RORA: variants seen among roughly 807,000 people sequenced by gnomAD.
RORA encodes RAR related orphan receptor A, also known as nuclear receptor ROR-alpha.
In RORA, 7 loss-of-function variants were observed where a neutral mutation model predicts 69.5. The ratio of observed to expected loss-of-function variants is 0.10; its 90% CI spans 0.06 to 0.19. RORA has a LOEUF of 0.19. RORA is among the 10% of genes least tolerant of loss of function. The pLI, the probability that RORA is intolerant of heterozygous loss-of-function variation, is 1.00. For synonymous variants in RORA, 261 were observed against 240.8 expected (o/e 1.08, Z -0.78); for missense variants, 457 against 663.0 (o/e 0.69, Z 3.41).
chr15:61,088,080 G>C (rs17204848), intron 1 of RORA, among the ~76,000 whole-genome samples: 40,676 of 152,214 alleles, frequency 0.27, 5,963 homozygotes, highest in Non-Finnish European at 0.34. Context: ...GCCTGAATGT[G>C]CCAGGTGCTG....
chr15:61,109,371 G>T (rs1325024649), intron 1 of RORA, among the ~76,000 whole-genome samples: 1 of 152,072 alleles, frequency 6.6e-6, no homozygotes, highest in African/African-American at 2.4e-5. Flanking sequence ...ACAAAAATTT[G>T]ATAAATGAAT....
At chr15:61,221,558 C>T (rs1327472214) in intron 1 of RORA, among the ~76,000 whole-genome samples, 4 of 152,170 alleles carry the variant, frequency 2.6e-5, no homozygotes, top group Admixed American at 6.5e-5. Context: ...ATTCTTATCA[C>T]GTGTACAATC....
chr15:61,098,065 C>T (rs2078817884), intron 1 of RORA, among the ~76,000 whole-genome samples: 2 of 150,948 alleles, frequency 1.3e-5, no homozygotes, highest in Admixed American at 6.6e-5. Flanking sequence ...TTCCTTAATC[C>T]TTCCTTCCTT....
chr15:60,946,328 G>A (rs1390651415), intron 1 of RORA, among the ~76,000 whole-genome samples: 4 of 152,072 alleles, frequency 2.6e-5, no homozygotes, highest in South Asian at 2.1e-4. Context: ...GCCGAAGCGG[G>A]ACTGTACTGC....
chr15:61,217,275 C>T (rs2080048886), intron 1 of RORA, among the ~76,000 whole-genome samples: 3 of 152,118 alleles, frequency 2.0e-5, no homozygotes, highest in African/African-American at 7.2e-5. Context: ...AAATAACTAT[C>T]AGACAGCGTA....
At chr15:61,134,592 G>A (rs1332350468) in intron 1 of RORA, among the ~76,000 whole-genome samples, 1 of 152,138 alleles carries the variant, frequency 6.6e-6, no homozygotes, top group Non-Finnish European at 1.5e-5. Flanking sequence ...AACCCCTTGG[G>A]TAGGAATAAT....
chr15:61,143,425 T>C (rs1051630829), intron 1 of RORA, among the ~76,000 whole-genome samples: 1 of 152,160 alleles, frequency 6.6e-6, no homozygotes, highest in East Asian at 1.9e-4. Flanking sequence ...TAAGAGTATT[T>C]TGAAACTTGG....
intron 1 of RORA, among the ~76,000 whole-genome samples, chr15:60,936,069 A>G (rs1422489256): frequency 6.6e-6 from 1 of 152,184 alleles, no homozygotes; most frequent in Non-Finnish European, 1.5e-5. Context: ...CATCATGGTA[A>G]TATTACCCAT....
At chr15:60,915,095 A>G (rs1328769294) in intron 1 of RORA, among the ~76,000 whole-genome samples, 1 of 152,202 alleles carries the variant, frequency 6.6e-6, no homozygotes, top group Non-Finnish European at 1.5e-5. Context: ...GAACTTGAAC[A>G]CTAGCCTATC....
intron 1 of RORA, among the ~76,000 whole-genome samples, chr15:61,103,474 G>C (rs1041970578): frequency 3.3e-5 from 5 of 152,132 alleles, no homozygotes; most frequent in Non-Finnish European, 5.9e-5. Flanking sequence ...AGGGAGGGTG[G>C]GGTGCCCCCT....
At chr15:60,941,957 C>T (rs952337969) in intron 1 of RORA, among the ~76,000 whole-genome samples, 2 of 152,190 alleles carry the variant, frequency 1.3e-5, no homozygotes, top group Non-Finnish European at 2.9e-5. Context: ...GCATTACCCA[C>T]CAGTCCAGTG....
In RORA at chr15:60,628,145, T is replaced by C. The variant is rs536538713; in HGVS notation, c.196+50512A>G. 7.0e-4 allele frequency among the ~76,000 whole-genome samples: 107 copies of C among 152,360 alleles called. 1 individual carries two copies. The highest frequency in any genetic ancestry group is 3.4e-3 in the Middle Eastern group (1 of 294). ...TGTTACTGATTATTTCGCTAGTTTT[T>C]ACCTGGTGTCCTCTTCCTGTTGCAG... On this transcript the variant is annotated intron_variant, in intron 2 of 10. Coordinates refer to ENST00000335670, the MANE Select transcript of RORA (RefSeq NM_134261.3).
intron 1 of RORA, among the ~76,000 whole-genome samples, chr15:61,162,950 C>T (rs1039981764): frequency 2.0e-5 from 3 of 152,286 alleles, no homozygotes; most frequent in South Asian, 2.1e-4. Context: ...GCCACCTATG[C>T]GTCACTCACC....
In RORA at chr15:61,027,829, C is replaced by G. The variant is rs554944199; in HGVS notation, c.166+201224G>C. ...CATTTTCTCTCAAAGTCTCAGTTTACCAATCTGCAAAATGGTAACAGGCAA... is the reference window on the plus strand; with the variant it reads ...CATTTTCTCTCAAAGTCTCAGTTTAGCAATCTGCAAAATGGTAACAGGCAA... On this transcript the variant is annotated intron_variant, in intron 1 of 10. Transcript: ENST00000335670. 2.6e-4 allele frequency among the ~76,000 whole-genome samples: 40 copies of G among 152,220 alleles called. No homozygotes were observed. The East Asian group carries it at 7.7e-3, about 29-fold the overall frequency.
In RORA at chr15:61,226,447, C is replaced by T. The variant is rs1428925835; in HGVS notation, c.166+2606G>A. Among the ~76,000 whole-genome samples the T allele has an allele frequency of 1.3e-5, 2 of 152,198 alleles. No homozygotes were observed. The highest frequency in any genetic ancestry group is 2.9e-5 in the Non-Finnish European group (2 of 68,036). On this transcript the variant is annotated intron_variant, in intron 1 of 10. Transcript: ENST00000335670. The surrounding 1 kb of genome is among the most constrained non-coding windows in gnomAD (Gnocchi z 4.2). ...TATTGTAATTTATGCAACATTAATA[C>T]TGGATGCCAGCTCCAATTTTCTTAC... is the stretch of plus-strand genomic sequence containing the variant.
At chr15:61,122,687 A>C (rs2079114035) in intron 1 of RORA, among the ~76,000 whole-genome samples, 1 of 152,090 alleles carries the variant, frequency 6.6e-6, no homozygotes, top group Non-Finnish European at 1.5e-5. Context: ...TAAGGGGTGG[A>C]TCTTTTTAAG....
At chr15:60,716,164 C>T (rs2071216309) in intron 1 of RORA, among the ~76,000 whole-genome samples, 1 of 152,174 alleles carries the variant, frequency 6.6e-6, no homozygotes, top group South Asian at 2.1e-4. Flanking sequence ...CCACAACTTC[C>T]AGCCCATGGA....
At chr15:60,596,408 C>G (rs1021017523) in intron 2 of RORA, among the ~76,000 whole-genome samples, 1 of 152,042 alleles carries the variant, frequency 6.6e-6, no homozygotes, top group Non-Finnish European at 1.5e-5. Flanking sequence ...CAGCTTGATT[C>G]AATGGAATCC....
Position 61,057,069 on chromosome 15 carries a change from C to T in RORA, c.166+171984G>A, listed in dbSNP as rs188066746. Among the ~76,000 whole-genome samples, 324 of 152,240 alleles carry T rather than the reference C, an allele frequency of 2.1e-3. 2 individuals are homozygous for T. Among genetic ancestry groups the T allele is most frequent in the Non-Finnish European group, 3.6e-3 (243 of 68,018 alleles). Reference sequence around the variant, plus strand: ...GGTGATGTGACATTTTTGGTAGGTGCGTACCTCAAAGGCGCCTGCCTTCAA... The same window carrying T: ...GGTGATGTGACATTTTTGGTAGGTGTGTACCTCAAAGGCGCCTGCCTTCAA... On this transcript the variant is annotated intron_variant, in intron 1 of 10. Coordinates refer to ENST00000335670, the MANE Select transcript of RORA (RefSeq NM_134261.3).
Sources: gnomAD v4.1 joint callset for allele counts (sites outside exome capture counted in the v4.1 genomes callset) on GRCh38, gnomAD v4.1.1 for gene constraint, Gnocchi (gnomAD v3.1) non-coding constraint, MANE v1.5 for transcripts, NCBI Gene and HGNC (gene_info 2026-07-23, HGNC 2026-07-21) for gene names.